TTN: variants seen among roughly 807,000 people sequenced by gnomAD.
TTN encodes connectin.
Under a neutral mutation model 3,223.0 loss-of-function variants are expected in TTN, and 1,525 were observed. The ratio of observed to expected loss-of-function variants is 0.47; its 90% CI spans 0.45 to 0.49. The LOEUF is 0.49. TTN is among the 20% of genes least tolerant of loss of function. TTN has a pLI of 0.00. For synonymous variants in TTN, 14,094 were observed against 15,161.0 expected (o/e 0.93, Z 5.17); for missense variants, 40,786 against 43,424.0 (o/e 0.94, Z 5.40).
rs746419315 is a variant in TTN at position 178,730,680 on chromosome 2, C to T, written c.17853G>A (p.Gln5951=). 2 of 1,613,662 alleles carry T rather than the reference C, an allele frequency of 1.2e-6. No individual in the cohort carries two copies. The highest frequency in any genetic ancestry group is 2.2e-5 in the South Asian group (2 of 91,064). Residue 5951 remains glutamine, a synonymous_variant, in exon 61 of 363, where the codon CAG becomes CAA. Transcript: ENST00000589042. The part of the protein sequence containing the change: ...IVAGSHPISI[Q]WFKDDQEISA... ...ATATTTCTTGGTCATCTTTGAACCACTGGATGCTTATGGGATGTGACCCAG... is the reference window on the plus strand; with the variant it reads ...ATATTTCTTGGTCATCTTTGAACCATTGGATGCTTATGGGATGTGACCCAG...
chr2:178,756,879 G>C lies in TTN; in HGVS notation c.10679-82C>G. The stretch of plus-strand genomic sequence containing the variant: ...TTGCCCATGTTAGTAACACAAAATG[G>C]CATGGAAGATGAAGATGAAAGACGT... On this transcript the variant is annotated intron_variant, in intron 45 of 362. Coordinates refer to ENST00000589042, the MANE Select transcript of TTN (RefSeq NM_001267550.2). 5 of 1,271,370 alleles carry C rather than the reference G, an allele frequency of 3.9e-6. No homozygotes were observed. The South Asian group carries it at 6.9e-5, about 17-fold the overall frequency. The allele number at this position is 1,271,370 out of a possible 1,614,324, so 78.8% of individuals were successfully genotyped here. A position where few individuals can be genotyped will look rare whatever the true frequency, so the allele number is the denominator to read the frequency against.
In TTN at chr2:178,771,911, A is replaced by G. The variant is rs192794703; in HGVS notation, c.7856-440T>C. On this transcript the variant is annotated intron_variant, in intron 33 of 362. Coordinates refer to ENST00000589042, the MANE Select transcript of TTN (RefSeq NM_001267550.2). The stretch of plus-strand genomic sequence containing the variant: ...ACATTGAGGATTTCTATATATTAAA[A>G]ATCACTGTGTTGGCAAATGTCGCCC... Among the ~76,000 whole-genome samples, 160 of 152,264 alleles carry G rather than the reference A, an allele frequency of 1.1e-3. 2 individuals carry two copies. Among genetic ancestry groups the G allele is most frequent in the Middle Eastern group, 3.4e-3 (1 of 294 alleles).
In TTN at chr2:178,619,796, C is replaced by G. The variant is rs781291079; in HGVS notation, c.46521G>C (p.Lys15507Asn). ...VVFLAELNKD[K>N]VEVQWLRNNM... ...TATTTCTTAGCCATTGGACTTCCAC[C>G]TTATCTTTATTGAGTTCTGCTAAAA... The change falls in exon 250 of 363, where the codon AAG becomes AAC. Residue 15507 changes from lysine to asparagine, a missense_variant. Physicochemically the swap from Lys to Asn is moderately conservative, Grantham distance 94. Transcript: ENST00000589042. 5 of 1,612,300 alleles carry G rather than the reference C, an allele frequency of 3.1e-6. No individual in the cohort carries two copies. Among genetic ancestry groups the G allele is most frequent in the South Asian group, 1.1e-5 (1 of 91,018 alleles).
chr2:178,684,481 G>T (rs1468962518), intron 131 of TTN, 68 bp from the exon 132 acceptor site: 28 of 1,507,884 alleles, frequency 1.9e-5, no homozygotes, highest in South Asian at 1.2e-5. Context: ...TAGCCAGAAA[G>T]TACTGTGATT....
rs371747911 is a variant in TTN at position 178,652,080 on chromosome 2, A to G, written c.39295+16T>C. The stretch of plus-strand genomic sequence containing the variant: ...ATTTTTTTAAAAAACACTAATTTGA[A>G]TAGTTTCATTATTACCTTCAGGGGG... On this transcript the variant is annotated intron_variant, in intron 204 of 362. Coordinates refer to ENST00000589042, the MANE Select transcript of TTN (RefSeq NM_001267550.2). 1.4e-5 allele frequency: 23 copies of G among 1,613,076 alleles called. No homozygotes were observed. Among genetic ancestry groups the G allele is most frequent in the African/African-American group, 4.0e-5 (3 of 74,848 alleles).
In TTN at chr2:178,532,086, C is replaced by T. The variant is rs1362931621; in HGVS notation, c.104529G>A (p.Leu34843=). ...TCATTAACTCAATATAAGTTGGAGA[C>T]AGGGAGCGCCGTCGTCTCAGTAGTC... is the stretch of plus-strand genomic sequence containing the variant. ...ASRLLRRRRS[L]SPTYIELMRP... Residue 34843 remains leucine (L), a synonymous_variant, in exon 358 of 363, where the codon CTG becomes CTA. Coordinates refer to ENST00000589042, the MANE Select transcript of TTN (RefSeq NM_001267550.2). The T allele has an allele frequency of 4.3e-6, 7 of 1,613,936 alleles. No individual in the cohort carries two copies. In the East Asian group the frequency reaches 8.9e-5, roughly 21 times the overall value.
In TTN at chr2:178,637,393, C is replaced by T. The variant is rs191699632; in HGVS notation, c.40903G>A (p.Ala13635Thr). 5.2e-5 allele frequency: 76 copies of T among 1,475,716 alleles called. No individual in the cohort carries two copies. The African/African-American group carries it at 9.3e-4, about 18-fold the overall frequency. 91.4% of individuals were successfully genotyped at this position (1,475,716 alleles called of 1,614,324 possible). ...AEAKAPKEEAAKPKGPIKGVP... is the reference protein window; with the variant it reads ...AEAKAPKEEATKPKGPIKGVP... Reference sequence around the variant, plus strand: ...CCTTTGATAGGACCTTTTGGCTTGGCAGCCTCTTCCTTAGGTGCTTTGGCT... The same window carrying T: ...CCTTTGATAGGACCTTTTGGCTTGGTAGCCTCTTCCTTAGGTGCTTTGGCT... Residue 13635 changes from alanine (A) to threonine (T), a missense_variant, in exon 224 of 363, where the codon GCC becomes ACC. Ala to Thr is a moderately conservative substitution (Grantham distance 58). Coordinates refer to ENST00000589042, the MANE Select transcript of TTN (RefSeq NM_001267550.2).
Position 178,576,429 on chromosome 2 carries a change from C to A in TTN, c.69716-13G>T. ...GGTCCTGGAGGATCTGAGAAAGAAA[C>A]AAAGACACAAAAGTATATATTCAGA... On this transcript the variant is annotated splice_polypyrimidine_tract_variant and intron_variant, in intron 325 of 362. Coordinates refer to ENST00000589042, the MANE Select transcript of TTN (RefSeq NM_001267550.2). The surrounding 1 kb of genome is among the most constrained non-coding windows in gnomAD (Gnocchi z 4.3). 1.3e-6 allele frequency: 2 copies of A among 1,577,418 alleles called. No individual in the cohort carries two copies. The highest frequency in any genetic ancestry group is 1.7e-6 in the Non-Finnish European group (2 of 1,169,124).
chr2:178,554,657 C>G lies in TTN; in HGVS notation c.88690G>C (p.Ala29564Pro). 1 of 1,613,886 alleles carries G rather than the reference C, an allele frequency of 6.2e-7. No individual in the cohort carries two copies. The highest frequency in any genetic ancestry group is 8.5e-7 in the Non-Finnish European group (1 of 1,179,818). ...LWRPPADDGG[A>P]KITHYIVEKR... ...TCCACAATGTAGTGAGTGATTTTTG[C>G]ACCACCATCATCAGCTGGAGGCCGC... Residue 29564 changes from alanine (A) to proline (P), a missense_variant, in exon 332 of 363, where the codon GCA becomes CCA. By Grantham distance (27) the Ala-to-Pro change is conservative. Coordinates refer to ENST00000589042, the MANE Select transcript of TTN (RefSeq NM_001267550.2).
chr2:178,607,355 G>GT lies in TTN; in HGVS notation c.53288-42dup, dbSNP rs773166952. On this transcript the variant is annotated intron_variant, in intron 277 of 362. Coordinates refer to ENST00000589042, the MANE Select transcript of TTN (RefSeq NM_001267550.2). ...AGCCAAAAATCAATGTAATAAGATAGTATCACTTGGGAAAATCCTGTGAAA... is the reference window on the plus strand; with the variant it reads ...AGCCAAAAATCAATGTAATAAGATAGTTATCACTTGGGAAAATCCTGTGAAA... The GT allele has an allele frequency of 3.5e-5, 56 of 1,612,456 alleles. No homozygotes were observed. In the Middle Eastern group the frequency reaches 4.9e-4, roughly 14 times the overall value.
Position 178,562,864 on chromosome 2 carries a change from T to C in TTN, c.83268A>G (p.Thr27756=). 1 of 1,613,102 alleles carries C rather than the reference T, an allele frequency of 6.2e-7. No homozygotes were observed. The highest frequency in any genetic ancestry group is 8.5e-7 in the Non-Finnish European group (1 of 1,179,526). The part of the protein sequence containing the change: ...LTLENNSGSK[T]AFVNVRVLDS... ...CAAGAACTCTGACGTTAACAAAAGC[T>C]GTTTTGGAGCCACTATTATTTTCTA... Residue 27756 remains threonine, a synonymous_variant, in exon 326 of 363, where the codon ACA becomes ACG. Coordinates refer to ENST00000589042, the MANE Select transcript of TTN (RefSeq NM_001267550.2).
intron 22 of TTN, 130 bp from the exon 23 acceptor site, chr2:178,779,592 T>C: frequency 3.0e-6 from 2 of 666,552 alleles, no homozygotes; most frequent in Non-Finnish European, 5.0e-6. Context: ...TTTTGGTTTG[T>C]TTGTTTTAAT....
Position 178,528,622 on chromosome 2 carries a change from G to A in TTN, c.107129C>T (p.Ser35710Phe), listed in dbSNP as rs1194921895. ...DAPAFISQPR[S>F]QNINEGQNVL... ...ATTTTGTCCTTCATTAATATTTTGA[G>A]ATCTAGGCTGTGAGATGAAGGCTGG... The change falls in exon 360 of 363, where the codon TCT becomes TTT. Residue 35710 changes from serine (S) to phenylalanine (F), a missense_variant. Transcript: ENST00000589042. 1.2e-6 allele frequency: 2 copies of A among 1,612,556 alleles called. No individual in the cohort carries two copies. Among genetic ancestry groups the A allele is most frequent in the African/African-American group, 2.7e-5 (2 of 75,004 alleles).
rs773398087 is a variant in TTN at position 178,793,613 on chromosome 2, G to A, written c.1399-72C>T. 276 of 1,596,462 alleles carry A rather than the reference G, an allele frequency of 1.7e-4. 3 individuals carry two copies. The highest frequency in any genetic ancestry group is 9.4e-5 in the African/African-American group (7 of 74,690). On this transcript the variant is annotated intron_variant, in intron 8 of 362. Transcript: ENST00000589042. ...TAAAAATTAGTTCAAGACCAGCCTCGCCAACATGGTGAAATCCTCTACTAA... is the reference window on the plus strand; with the variant it reads ...TAAAAATTAGTTCAAGACCAGCCTCACCAACATGGTGAAATCCTCTACTAA...
chr2:178,750,540 C>A, intron 47 of TTN: 1 of 1,612,588 alleles, frequency 6.2e-7, no homozygotes, highest in Non-Finnish European at 8.5e-7. Flanking sequence ...TCATAAACTT[C>A]TTGAGATTCA....
In TTN at chr2:178,725,652, G is replaced by A; in HGVS notation, c.20555-3C>T. 1 of 1,570,846 alleles carries A rather than the reference G, an allele frequency of 6.4e-7. No individual in the cohort carries two copies. The highest frequency in any genetic ancestry group is 8.6e-7 in the Non-Finnish European group (1 of 1,157,704). On this transcript the variant is annotated splice_polypyrimidine_tract_variant and splice_region_variant and intron_variant, in intron 70 of 362. Coordinates refer to ENST00000589042, the MANE Select transcript of TTN (RefSeq NM_001267550.2). ...TTTGGAGACAAATCTTGGTGGTTCT[G>A]AACAGGAAAAGATGGATGGAAATTG... is the stretch of plus-strand genomic sequence containing the variant.
At position 178,653,261 on chromosome 2, in the gene TTN, T is replaced by C; in HGVS notation, c.38768A>G (p.Lys12923Arg). Residue 12923 changes from lysine to arginine, a missense_variant, in exon 198 of 363, where the codon AAG (lysine) becomes AGG (arginine). By Grantham distance (26) the Lys-to-Arg change is conservative (BLOSUM62 2). Coordinates refer to ENST00000589042, the MANE Select transcript of TTN (RefSeq NM_001267550.2). ...ACCTTTAACAGGTGGGACTTCAGGC[T>C]TTTTAGGAGGAGCCAAGGGCACTTT... ...EKKVPLAPPK[K>R]PEVPPVKVPE... 1 of 1,612,224 alleles carries C rather than the reference T, an allele frequency of 6.2e-7. No homozygotes were observed. The highest frequency in any genetic ancestry group is 8.5e-7 in the Non-Finnish European group (1 of 1,179,420).
rs747280358 is a variant in TTN, at chr2:178,731,682, C to A, written c.17182+11G>T. The A allele has an allele frequency of 1.9e-6, 3 of 1,599,160 alleles. No individual in the cohort carries two copies. Among genetic ancestry groups the A allele is most frequent in the South Asian group, 2.2e-5 (2 of 89,340 alleles). On this transcript the variant is annotated intron_variant, in intron 58 of 362. Transcript: ENST00000589042. Reference sequence around the variant, plus strand: ...CAGAAAAGCCAGTCCCTCACTGGAACCAACACTAACCTCTTAAAGTCACCC... The same window carrying A: ...CAGAAAAGCCAGTCCCTCACTGGAAACAACACTAACCTCTTAAAGTCACCC...
chr2:178,624,810 C>T (rs1210496533), intron 241 of TTN, 79 bp from the exon 242 acceptor site: 4 of 1,516,972 alleles, frequency 2.6e-6, no homozygotes, highest in African/African-American at 2.8e-5. Context: ...TTTCCCCTGC[C>T]ATCTCCAGGG....
Sources: gnomAD v4.1 joint callset for allele counts (sites outside exome capture counted in the v4.1 genomes callset) on GRCh38, gnomAD v4.1.1 for gene constraint, Gnocchi (gnomAD v3.1) non-coding constraint, MANE v1.5 for transcripts, NCBI Gene and HGNC (gene_info 2026-07-23, HGNC 2026-07-21) for gene names.